The following CDH23 variants were observed in gnomAD, a reference collection of about 807,000 sequenced individuals.
CDH23 encodes the protein cadherin-23.
A neutral mutation model predicts 317.1 loss-of-function variants in CDH23; 189 were observed. That is an observed-to-expected ratio of 0.60 (90% CI 0.53 to 0.67). The LOEUF is 0.67. Among genes scored for constraint, CDH23 ranks in the 30% least tolerant of loss-of-function variants. CDH23 has a pLI of 0.00. For synonymous variants in CDH23, 1,839 were observed against 1,876.8 expected (o/e 0.98, Z 0.52); for missense variants, 4,401 against 4,592.4 (o/e 0.96, Z 1.20).
intron 1 of CDH23, among the ~76,000 whole-genome samples, chr10:71,423,511 G>C (rs746886049): frequency 6.6e-6 from 1 of 152,196 alleles, no homozygotes; most frequent in Non-Finnish European, 1.5e-5. Flanking sequence ...CACAGTTTAG[G>C]GGGAGGTTAG....
At chr10:71,713,614 A>C in intron 28 of CDH23, 1 of 338,360 alleles carries the variant, frequency 3.0e-6, no homozygotes, top group Non-Finnish European at 5.5e-6. Flanking sequence ...AGCCCTGAGG[A>C]TTTGCGAGAG....
Position 71,778,187 on chromosome 10 carries a change from AG to A in CDH23, c.5069del. The A allele has an allele frequency of 5.6e-6, 9 of 1,613,778 alleles. No individual in the cohort carries two copies. The highest frequency in any genetic ancestry group is 7.6e-6 in the Non-Finnish European group (9 of 1,179,832). On this transcript the variant is annotated splice_acceptor_variant, in intron 39 of 69. Coordinates refer to ENST00000224721, the MANE Select transcript of CDH23 (RefSeq NM_022124.6). LOFTEE classifies it high-confidence loss of function. ...TCCTTGTCCCTTCCCTGTGTCCCCC[AG>A]GGTGTCATCACTGCTGCCAAAGAGC...
chr10:71,694,672 T>A lies in CDH23; in HGVS notation c.2289+413T>A, dbSNP rs76096172. 0.027 allele frequency among the ~76,000 whole-genome samples: 4,108 copies of A among 151,940 alleles called. 179 individuals are homozygous for A. The highest frequency in any genetic ancestry group is 0.091 in the African/African-American group (3,776 of 41,412). On this transcript the variant is annotated intron_variant, in intron 21 of 69. Transcript: ENST00000224721. Reference sequence around the variant, plus strand: ...GTCCCTGGGGGCTTGTTCTCCCCCATCTAATGTGCCCCAGAGAGTAGAAAG... The same window carrying A: ...GTCCCTGGGGGCTTGTTCTCCCCCAACTAATGTGCCCCAGAGAGTAGAAAG...
chr10:71,609,991 T>TGAGAGA (rs747061224), intron 9 of CDH23, among the ~76,000 whole-genome samples: 26 of 133,498 alleles, frequency 1.9e-4, no homozygotes, highest in East Asian at 4.4e-4. Context: ...TGTGTGTGTG[T>TGAGAGA]GTGTGAGAGA....
chr10:71,732,427 G>A (rs1031760619), intron 32 of CDH23, 52 bp downstream of exon 32: 17 of 1,548,954 alleles, frequency 1.1e-5, no homozygotes, highest in Non-Finnish European at 1.5e-5. Flanking sequence ...ACCAACATTG[G>A]TTGAGCTCCT....
Position 71,625,412 on chromosome 10 carries a change from A to AC in CDH23, c.1134+8019_1134+8020insC, listed in dbSNP as rs1564695109. On this transcript the variant is annotated intron_variant, in intron 11 of 69. Transcript: ENST00000224721. ...CAAATAAATTAAAAAAAAAAAAAAA[A>AC]AAAAAAAAAAAATGACAAGGAGAAA... Among the ~76,000 whole-genome samples the AC allele has an allele frequency of 1.3e-3, 158 of 125,306 alleles. 5 individuals carry two copies. Among genetic ancestry groups the AC allele is most frequent in the African/African-American group, 4.4e-3 (136 of 31,230 alleles). 82.2% of individuals were successfully genotyped at this position (125,306 alleles called of 152,430 possible).
At chr10:71,778,356 G>A in intron 40 of CDH23, 48 bp downstream of exon 40, 1 of 1,610,064 alleles carries the variant, frequency 6.2e-7, no homozygotes, top group Non-Finnish European at 8.5e-7. Flanking sequence ...GGTTGGCGAA[G>A]GATGGGACCC....
chr10:71,791,464 G>A, intron 47 of CDH23, 129 bp downstream of exon 47: 1 of 737,678 alleles, frequency 1.4e-6, no homozygotes, highest in South Asian at 1.7e-5. Flanking sequence ...GGTGAGTGTA[G>A]AACACACTGG....
chr10:71,405,790 G>C (rs2131904509), intron 1 of CDH23, among the ~76,000 whole-genome samples: 1 of 152,178 alleles, frequency 6.6e-6, no homozygotes, highest in East Asian at 1.9e-4. Context: ...TGGGGTGGGG[G>C]ATCCTTCCAA....
chr10:71,808,231 CTT>C (rs764609595), intron 60 of CDH23, among the ~76,000 whole-genome samples: 4 of 152,226 alleles, frequency 2.6e-5, no homozygotes, highest in African/African-American at 4.8e-5. Flanking sequence ...TTCATTCTCT[CTT>C]CTTTTCAACT....
At chr10:71,492,426 T>C (rs1036379866) in intron 3 of CDH23, among the ~76,000 whole-genome samples, 2 of 152,060 alleles carry the variant, frequency 1.3e-5, no homozygotes, top group Non-Finnish European at 2.9e-5. Context: ...AGAACATCCA[T>C]CCCAATTAGG....
chr10:71,445,877 A>G (rs1251725950), intron 2 of CDH23, among the ~76,000 whole-genome samples: 1 of 151,440 alleles, frequency 6.6e-6, no homozygotes, highest in Non-Finnish European at 1.5e-5. Flanking sequence ...AAATCGGCAA[A>G]TTAAAAAGAA....
At chr10:71,498,347 C>T (rs1286148571) in intron 3 of CDH23, among the ~76,000 whole-genome samples, 2 of 152,198 alleles carry the variant, frequency 1.3e-5, no homozygotes, top group Admixed American at 1.3e-4. Context: ...CCCTGGAATG[C>T]TCGTCCTGAG....
At chr10:71,722,051 C>A (rs979999797) in intron 28 of CDH23, among the ~76,000 whole-genome samples, 10 of 152,350 alleles carry the variant, frequency 6.6e-5, no homozygotes, top group Admixed American at 6.5e-5. Context: ...CTAGCAGGAA[C>A]CCATCCCCAT....
Position 71,707,052 on chromosome 10 carries a change from G to T in CDH23, c.3106+3G>T. The T allele has an allele frequency of 1.3e-6, 2 of 1,599,204 alleles. No homozygotes were observed. The highest frequency in any genetic ancestry group is 1.7e-6 in the Non-Finnish European group (2 of 1,173,176). On this transcript the variant is annotated splice_donor_region_variant and intron_variant, in intron 26 of 69. Coordinates refer to ENST00000224721, the MANE Select transcript of CDH23 (RefSeq NM_022124.6). Reference sequence around the variant, plus strand: ...AGAGCTCAGCTACTTCATCACAGGTGCTGCCCCGGCCTCCGCCCACCTGTG... The same window carrying T: ...AGAGCTCAGCTACTTCATCACAGGTTCTGCCCCGGCCTCCGCCCACCTGTG...
intron 2 of CDH23, 57 bp from the exon 3 acceptor site, chr10:71,446,261 G>C: frequency 6.6e-7 from 1 of 1,510,792 alleles, no homozygotes; most frequent in South Asian, 1.1e-5. Context: ...TCACCTTATA[G>C]AGTGTGTAAA....
rs1839483560 is a variant in CDH23 at position 71,734,171 on chromosome 10, G to A, written c.4105-69G>A. On this transcript the variant is annotated intron_variant, in intron 32 of 69. Transcript: ENST00000224721. ...GAGGAAGTGACATGGAGGTGGAAAA[G>A]TGGGCAGAATGACCAGGGTTAACAA... 4 of 1,300,972 alleles carry A rather than the reference G, an allele frequency of 3.1e-6. No individual in the cohort carries two copies. The South Asian group carries it at 5.0e-5, about 16-fold the overall frequency. 80.6% of individuals were successfully genotyped at this position (1,300,972 alleles called of 1,614,324 possible).
In CDH23 at chr10:71,449,867, C is replaced by T. The variant is rs180782896; in HGVS notation, c.145+3472C>T. Among the ~76,000 whole-genome samples the T allele has an allele frequency of 1.2e-4, 19 of 152,350 alleles. No individual in the cohort carries two copies. The East Asian group carries it at 2.9e-3, about 23-fold the overall frequency. On this transcript the variant is annotated intron_variant, in intron 3 of 69. Coordinates refer to ENST00000224721, the MANE Select transcript of CDH23 (RefSeq NM_022124.6). ...CATCTGAAATCCCTCACAGAGCCTACGTGTTCATTACTATCTCCTCACCTA... is the reference window on the plus strand; with the variant it reads ...CATCTGAAATCCCTCACAGAGCCTATGTGTTCATTACTATCTCCTCACCTA...
intron 6 of CDH23, among the ~76,000 whole-genome samples, chr10:71,515,986 A>G (rs1380038240): frequency 6.6e-6 from 1 of 152,166 alleles, no homozygotes; most frequent in Non-Finnish European, 1.5e-5. Context: ...GCTGAGTAGG[A>G]GTTTGTTAGA....
Sources: allele counts gnomAD v4.1 joint callset (sites outside exome capture counted in the v4.1 genomes callset), GRCh38; gene constraint gnomAD v4.1.1; transcripts MANE v1.5; gene names NCBI Gene and HGNC (gene_info 2026-07-23, HGNC 2026-07-21).